Variants in BAZ2B observed in about 807,000 individuals in gnomAD.
The protein encoded by BAZ2B is bromodomain adjacent to zinc finger domain protein 2B.
In BAZ2B, 91 loss-of-function variants were observed where a neutral mutation model predicts 246.0. The observed-to-expected ratio is 0.37, with a 90% CI of 0.31 to 0.44. BAZ2B has a LOEUF of 0.44. Among genes scored for constraint, BAZ2B ranks in the 20% least tolerant of loss-of-function variants. BAZ2B has a pLI of 1.00. For missense variants in BAZ2B, 2,332 were observed against 2,533.7 expected (o/e 0.92, Z 1.71); for synonymous variants, 855 against 860.0 (o/e 0.99, Z 0.10).
chr2:159,547,451 C>T (rs2087530928), intron 2 of BAZ2B, among the ~76,000 whole-genome samples: 1 of 152,096 alleles, frequency 6.6e-6, no homozygotes, highest in African/African-American at 2.4e-5. Flanking sequence ...ACAAAGAGGT[C>T]AAATATCATA....
Position 159,432,788 on chromosome 2 carries a change from ATCATCTTCC to A in BAZ2B, c.1860_1868del (p.Glu620_Asp622del), listed in dbSNP as rs1559394828. The A allele has an allele frequency of 1.2e-6, 2 of 1,613,180 alleles. No individual in the cohort carries two copies. Among genetic ancestry groups the A allele is most frequent in the Non-Finnish European group, 1.7e-6 (2 of 1,179,276 alleles). ...GGCTGTCATCAGATTCATCATCTTCATCATCTTCCTCATCTTCTTCTTCATCATCTTCCT... is the reference window on the plus strand; with the variant it reads ...GGCTGTCATCAGATTCATCATCTTCATCATCTTCTTCTTCATCATCTTCCT... On this transcript the variant is annotated inframe_deletion, in exon 9 of 37. Transcript: ENST00000392783.
chr2:159,469,798 A>G (rs1485570382), intron 3 of BAZ2B, among the ~76,000 whole-genome samples: 1 of 152,066 alleles, frequency 6.6e-6, no homozygotes, highest in Non-Finnish European at 1.5e-5. Context: ...AACAACAACA[A>G]CTTAAACAAA....
At chr2:159,408,496 C>A (rs757778349) in intron 14 of BAZ2B, among the ~76,000 whole-genome samples, 5 of 151,628 alleles carry the variant, frequency 3.3e-5, no homozygotes, top group Non-Finnish European at 5.9e-5. Context: ...AATATTTGGG[C>A]CAAAAAAATT....
intron 2 of BAZ2B, among the ~76,000 whole-genome samples, chr2:159,525,695 G>A (rs915948287): frequency 6.6e-6 from 1 of 152,078 alleles, no homozygotes; most frequent in Admixed American, 6.6e-5. Context: ...ACCTGTACCT[G>A]GGCAGCATAA....
At chr2:159,692,787 T>C in the BAZ2B span, among the ~76,000 whole-genome samples, 1 of 152,212 alleles carries the variant, frequency 6.6e-6, no homozygotes, top group Non-Finnish European at 1.5e-5. Context: ...CATATGGTCA[T>C]AATATGTTAT....
chr2:159,662,226 G>T, the BAZ2B span, among the ~76,000 whole-genome samples: 35 of 152,110 alleles, frequency 2.3e-4, no homozygotes, highest in Non-Finnish European at 5.1e-4. Context: ...ACCACAATTT[G>T]CTTATTGATC....
chr2:159,592,680 A>G (rs767172494), intron 1 of BAZ2B, among the ~76,000 whole-genome samples: 2 of 152,184 alleles, frequency 1.3e-5, no homozygotes, highest in Non-Finnish European at 2.9e-5. Flanking sequence ...GAACAGGGAC[A>G]AGGAAAAAAG....
chr2:159,444,505 A>C (rs976485483), intron 6 of BAZ2B: 1 of 152,236 alleles, frequency 6.6e-6, no homozygotes, highest in Non-Finnish European at 1.5e-5. Context: ...TATCTATGAA[A>C]TATGCTCAGC....
chr2:159,499,847 T>G (rs2081531699), intron 2 of BAZ2B, among the ~76,000 whole-genome samples: 1 of 152,212 alleles, frequency 6.6e-6, no homozygotes. Flanking sequence ...TTCATGTCCT[T>G]TGCCCACTTT....
chr2:159,377,755 T>C (rs2061556475), intron 25 of BAZ2B, among the ~76,000 whole-genome samples: 1 of 141,254 alleles, frequency 7.1e-6, no homozygotes, highest in Non-Finnish European at 1.5e-5. Flanking sequence ...GAGGTTGCAG[T>C]GAGCTGAGAT....
chr2:159,450,460 C>T (rs1390917294), intron 4 of BAZ2B, among the ~76,000 whole-genome samples: 1 of 151,126 alleles, frequency 6.6e-6, no homozygotes, highest in African/African-American at 2.4e-5. Flanking sequence ...TAACCTGACA[C>T]CACAGAAGAA....
At chr2:159,359,325 A>G (rs934726340) in intron 27 of BAZ2B, among the ~76,000 whole-genome samples, 1 of 152,216 alleles carries the variant, frequency 6.6e-6, no homozygotes, top group Non-Finnish European at 1.5e-5. Flanking sequence ...AATACTAGAA[A>G]CACCTCTACG....
At chr2:159,612,352 C>G (rs1694888466) in intron 1 of BAZ2B, among the ~76,000 whole-genome samples, 1 of 151,976 alleles carries the variant, frequency 6.6e-6, no homozygotes, top group African/African-American at 2.4e-5. Context: ...ACCAAAAAAA[C>G]TCTTAAAATA....
At chr2:159,403,931 C>T (rs1576608514) in intron 16 of BAZ2B, among the ~76,000 whole-genome samples, 1 of 152,264 alleles carries the variant, frequency 6.6e-6, no homozygotes, top group East Asian at 1.9e-4. Flanking sequence ...TGTAGGCTGA[C>T]TGACTACAAA....
intron 2 of BAZ2B, among the ~76,000 whole-genome samples, chr2:159,511,761 T>C (rs905637575): frequency 3.3e-5 from 5 of 152,128 alleles, no homozygotes; most frequent in Admixed American, 2.6e-4. Context: ...TAATCATAAG[T>C]GGAATTAATT....
At chr2:159,421,860 G>C (rs1333633088) in intron 13 of BAZ2B, among the ~76,000 whole-genome samples, 1 of 152,028 alleles carries the variant, frequency 6.6e-6, no homozygotes, top group East Asian at 1.9e-4. Flanking sequence ...TTCACAAAAG[G>C]CTTCTAGGAC....
the BAZ2B span, among the ~76,000 whole-genome samples, chr2:159,663,633 C>T: frequency 6.6e-6 from 1 of 151,858 alleles, no homozygotes; most frequent in Non-Finnish European, 1.5e-5. Context: ...GATTCTCCTG[C>T]CTCAGCCTCC....
At chr2:159,546,487 T>C (rs2087374593) in intron 2 of BAZ2B, among the ~76,000 whole-genome samples, 1 of 147,480 alleles carries the variant, frequency 6.8e-6, no homozygotes, top group South Asian at 2.3e-4. Flanking sequence ...GACTAATACA[T>C]CTAGTATGCC....
At chr2:159,349,351 G>T in intron 28 of BAZ2B, 71 bp from the exon 29 acceptor site, 1 of 1,419,966 alleles carries the variant, frequency 7.0e-7, no homozygotes, top group Non-Finnish European at 9.3e-7. Context: ...TTTGGAATAT[G>T]AAATTATTTT....
Sources: allele counts gnomAD v4.1 joint callset (sites outside exome capture counted in the v4.1 genomes callset), GRCh38; gene constraint gnomAD v4.1.1; transcripts MANE v1.5; gene names NCBI Gene and HGNC (gene_info 2026-07-23, HGNC 2026-07-21).